Variants in CAPN13 observed in about 807,000 individuals in gnomAD.
The protein encoded by CAPN13 is calpain-13.
A neutral mutation model predicts 98.4 loss-of-function variants in CAPN13; 90 were observed. The ratio of observed to expected loss-of-function variants is 0.92; its 90% CI spans 0.77 to 1.09. The LOEUF is 1.09. Among genes scored for constraint, CAPN13 ranks in the 50% least tolerant of loss-of-function variants. The pLI, the probability that CAPN13 is intolerant of heterozygous loss-of-function variation, is 0.00. For synonymous variants in CAPN13, 330 were observed against 305.5 expected (o/e 1.08, Z -0.84); for missense variants, 887 against 841.3 (o/e 1.05, Z -0.67).
chr2:30,764,087 T>C, intron 6 of CAPN13, 45 bp downstream of exon 6: 1 of 1,525,666 alleles, frequency 6.6e-7, no homozygotes, highest in Non-Finnish European at 8.9e-7. Context: ...CATTCCTGGC[T>C]GAGGAAAGCT....
At chr2:30,774,184 C>G (rs1275465088) in intron 4 of CAPN13, among the ~76,000 whole-genome samples, 2 of 151,948 alleles carry the variant, frequency 1.3e-5, no homozygotes, top group African/African-American at 2.4e-5. Flanking sequence ...TATGGATACA[C>G]ACCTCAGAGG....
intron 1 of CAPN13, among the ~76,000 whole-genome samples, chr2:30,801,537 G>A (rs1236603107): frequency 6.0e-5 from 9 of 150,644 alleles, no homozygotes; most frequent in African/African-American, 1.7e-4. Context: ...CCCGGGAGGC[G>A]GAGGTTGCAG....
chr2:30,762,908 G>C (rs499476), intron 7 of CAPN13, among the ~76,000 whole-genome samples, 174 bp downstream of exon 7: 118,775 of 152,116 alleles, frequency 0.78, 47,346 homozygotes, highest in South Asian at 0.87. Context: ...AGAACTTCTG[G>C]TTGAACAGAA....
At chr2:30,731,514 C>T in intron 20 of CAPN13, 115 bp from the exon 21 acceptor site, 1 of 836,878 alleles carries the variant, frequency 1.2e-6, no homozygotes, top group Non-Finnish European at 1.8e-6. Flanking sequence ...AAAGCAGCCC[C>T]TCCTGCTCCG....
intron 1 of CAPN13, among the ~76,000 whole-genome samples, chr2:30,789,470 T>C (rs1033115186): frequency 6.6e-6 from 1 of 152,240 alleles, no homozygotes; most frequent in African/African-American, 2.4e-5. Flanking sequence ...CATATAAAAA[T>C]GAAATTCTAA....
At chr2:30,787,643 C>G (rs1356494902) in intron 1 of CAPN13, among the ~76,000 whole-genome samples, 1 of 152,170 alleles carries the variant, frequency 6.6e-6, no homozygotes, top group Non-Finnish European at 1.5e-5. Context: ...TGAGCACTGC[C>G]AGGTGAAGAA....
chr2:30,766,854 T>C (rs572763547), intron 5 of CAPN13, among the ~76,000 whole-genome samples: 18 of 152,322 alleles, frequency 1.2e-4, no homozygotes, highest in Non-Finnish European at 2.6e-4. Flanking sequence ...TTCATTTGAC[T>C]TGACCAATTA....
chr2:30,761,060 G>A (rs558895506), intron 7 of CAPN13, among the ~76,000 whole-genome samples: 1 of 152,344 alleles, frequency 6.6e-6, no homozygotes, highest in Admixed American at 6.5e-5. Flanking sequence ...AGCAGTGCTT[G>A]CACTGTTCAT....
chr2:30,747,866 G>C (rs796502299), intron 11 of CAPN13, among the ~76,000 whole-genome samples: 141 of 152,364 alleles, frequency 9.3e-4, no homozygotes, highest in African/African-American at 3.3e-3. Context: ...GGGATCTCCA[G>C]GAAGCCTGAG....
intron 7 of CAPN13, among the ~76,000 whole-genome samples, chr2:30,760,101 G>T (rs1672764144): frequency 6.6e-6 from 1 of 151,232 alleles, no homozygotes; most frequent in Admixed American, 6.6e-5. Flanking sequence ...GATTTTTTTT[G>T]AGATGGAGTC....
At chr2:30,768,859 C>A (rs1044437986) in intron 5 of CAPN13, among the ~76,000 whole-genome samples, 1 of 152,050 alleles carries the variant, frequency 6.6e-6, no homozygotes, top group Non-Finnish European at 1.5e-5. Flanking sequence ...TTGCTCAGTG[C>A]CTCTTACCTC....
At chr2:30,782,382 A>G (rs1398122831) in intron 2 of CAPN13, among the ~76,000 whole-genome samples, 1 of 152,124 alleles carries the variant, frequency 6.6e-6, no homozygotes, top group African/African-American at 2.4e-5. Flanking sequence ...TTGCTAGAGG[A>G]CTTAGATTTA....
In CAPN13 at chr2:30,722,803, A is replaced by C. The variant is rs190720767; in HGVS notation, c.*464T>G. 1 of 152,356 alleles carries C rather than the reference A, an allele frequency of 6.6e-6. No homozygotes were observed. The highest frequency in any genetic ancestry group is 1.9e-4 in the East Asian group (1 of 5,186). 9.4% of individuals were successfully genotyped at this position (152,356 alleles called of 1,614,324 possible). A position where few individuals can be genotyped will look rare whatever the true frequency, so the allele number is the denominator to read the frequency against. On this transcript the variant is annotated 3_prime_UTR_variant, in exon 23 of 23. Transcript: ENST00000295055. The stretch of plus-strand genomic sequence containing the variant: ...GAAACATGTTTTATTTTTGCCATTT[A>C]GCTGTGAAATCATCAGGATCCAGAC...
intron 1 of CAPN13, among the ~76,000 whole-genome samples, chr2:30,787,864 C>T (rs1558340860): frequency 1.3e-5 from 2 of 152,016 alleles, no homozygotes; most frequent in East Asian, 1.9e-4. Flanking sequence ...CTCTGCAGGG[C>T]TGTTAAAGAG....
chr2:30,742,022 G>T (rs1391959546), intron 14 of CAPN13, 58 bp from the exon 15 acceptor site: 4 of 1,479,084 alleles, frequency 2.7e-6, no homozygotes, highest in Non-Finnish European at 3.8e-6. Flanking sequence ...CCACCCATCT[G>T]GTACAGCAAG....
chr2:30,805,910 C>A (rs1362732016), intron 1 of CAPN13, among the ~76,000 whole-genome samples: 2 of 151,856 alleles, frequency 1.3e-5, no homozygotes, highest in Non-Finnish European at 2.9e-5. Flanking sequence ...GTGTGCACCA[C>A]CACATGTAGC....
At chr2:30,783,384 T>A (rs1572866448) in intron 2 of CAPN13, among the ~76,000 whole-genome samples, 1 of 151,870 alleles carries the variant, frequency 6.6e-6, no homozygotes, top group South Asian at 2.1e-4. Flanking sequence ...GGAGCCTGGC[T>A]GGGGGAGGGG....
At chr2:30,780,454 G>C (rs6729833) in intron 2 of CAPN13, among the ~76,000 whole-genome samples, 31,620 of 152,140 alleles carry the variant, frequency 0.21, 3,557 homozygotes, top group South Asian at 0.36. Flanking sequence ...CACTTACATG[G>C]GCCAAAGGGA....
At chr2:30,779,449 C>T (rs745612471) in intron 2 of CAPN13, among the ~76,000 whole-genome samples, 3 of 152,262 alleles carry the variant, frequency 2.0e-5, no homozygotes, top group Non-Finnish European at 4.4e-5. Flanking sequence ...TTGCTGAGGG[C>T]GGGTACCTTG....
Sources: gnomAD v4.1 joint callset for allele counts (sites outside exome capture counted in the v4.1 genomes callset) on GRCh38, gnomAD v4.1.1 for gene constraint, MANE v1.5 for transcripts, NCBI Gene and HGNC (gene_info 2026-07-23, HGNC 2026-07-21) for gene names.